KATNA1: variants seen among roughly 807,000 people sequenced by gnomAD.
KATNA1 encodes katanin catalytic subunit A1.
KATNA1 carries 42 observed loss-of-function variants against 62.6 expected under a neutral mutation model. The ratio of observed to expected loss-of-function variants is 0.67; its 90% CI spans 0.52 to 0.87. The LOEUF is 0.87. Among genes scored for constraint, KATNA1 ranks in the 40% least tolerant of loss-of-function variants. The pLI, the probability that KATNA1 is intolerant of heterozygous loss-of-function variation, is 0.00. For missense variants in KATNA1, 498 were observed against 612.5 expected (o/e 0.81, Z 1.97); for synonymous variants, 186 against 201.9 (o/e 0.92, Z 0.67).
intron 6 of KATNA1, among the ~76,000 whole-genome samples, chr6:149,602,743 CAG>C (rs1373730716): frequency 6.9e-6 from 1 of 144,288 alleles, no homozygotes; most frequent in Non-Finnish European, 1.5e-5. Context: ...TTTTTTGAGA[CAG>C]AGTTTCGCTC....
chr6:149,597,539 A>G lies in KATNA1; in HGVS notation c.1118T>C (p.Leu373Pro). The change falls in exon 9 of 11, where the codon CTT becomes CCT. Residue 373 changes from leucine (L) to proline (P), a missense_variant. Leu to Pro is a moderately conservative substitution (Grantham distance 98, BLOSUM62 -3). This residue lies in a region of KATNA1 where 267 missense variants were observed against 372.6 expected (regional missense o/e 0.72). Transcript: ENST00000367411. ...WDIDEALRRRLEKRIYIPLPS... is the reference protein window; with the variant it reads ...WDIDEALRRRPEKRIYIPLPS... ...CAAAGGAATATAGATTCGTTTCTCA[A>G]GGCGTCGTCTTAAAGCCTCATCTAT... 3.1e-6 allele frequency: 5 copies of G among 1,614,106 alleles called. No homozygotes were observed. The highest frequency in any genetic ancestry group is 4.2e-6 in the Non-Finnish European group (5 of 1,179,982).
chr6:149,627,204 C>T (rs1270164842), intron 3 of KATNA1, among the ~76,000 whole-genome samples: 1 of 151,378 alleles, frequency 6.6e-6, no homozygotes, highest in East Asian at 1.9e-4. Context: ...ACCCGTCTGG[C>T]CAACATGGAG....
At chr6:149,624,901 A>G (rs1470263192) in intron 3 of KATNA1, among the ~76,000 whole-genome samples, 2 of 150,986 alleles carry the variant, frequency 1.3e-5, no homozygotes, top group East Asian at 3.9e-4. Context: ...GCACCATGGC[A>G]ATGGGAATGG....
At position 149,638,483 on chromosome 6, in the gene KATNA1, T is replaced by C. The variant is rs748303578; in HGVS notation, c.65A>G (p.Tyr22Cys). The change falls in exon 2 of 11, where the codon TAT (tyrosine) becomes TGT (cysteine). Residue 22 changes from tyrosine (Y) to cysteine (C), a missense_variant. By Grantham distance (194) the Tyr-to-Cys change is radical. Around this residue, in one of 3 missense-constraint regions of KATNA1, gnomAD observed 28 missense variants for 41.6 expected, o/e 0.67. Transcript: ENST00000367411. ...LAREYALLGN[Y>C]DSAMVYYQGV... ...CTGATAATAGACCATCGCAGAGTCATAGTTTCCCAGCAATGCATATTCACG... is the reference window on the plus strand; with the variant it reads ...CTGATAATAGACCATCGCAGAGTCACAGTTTCCCAGCAATGCATATTCACG... The C allele has an allele frequency of 8.1e-6, 13 of 1,613,672 alleles. No homozygotes were observed. Among genetic ancestry groups the C allele is most frequent in the Admixed American group, 5.0e-5 (3 of 59,984 alleles).
intron 4 of KATNA1, among the ~76,000 whole-genome samples, chr6:149,613,821 G>C (rs1226192236): frequency 2.0e-5 from 3 of 152,178 alleles, no homozygotes; most frequent in Non-Finnish European, 2.9e-5. Context: ...TAATGTGCTA[G>C]TATTAAAAGT....
chr6:149,616,262 A>G (rs1365340248), intron 4 of KATNA1, among the ~76,000 whole-genome samples: 2 of 152,208 alleles, frequency 1.3e-5, no homozygotes, highest in East Asian at 3.8e-4. Flanking sequence ...AGTCAACTAT[A>G]TTATTGGGAA....
At chr6:149,605,477 C>T (rs1018284974) in intron 4 of KATNA1, among the ~76,000 whole-genome samples, 4 of 152,108 alleles carry the variant, frequency 2.6e-5, no homozygotes, top group Admixed American at 2.6e-4. Flanking sequence ...CATCAATGCT[C>T]CTAAAAATAT....
At position 149,632,812 on chromosome 6, in the gene KATNA1, G is replaced by A; in HGVS notation, c.267C>T (p.Asp89=). ...AGACTTCTCCCTCAGAAGCTGGAAG[G>A]TCATGCTGTGCCGCTTTCAAGGGAG... ...DSTPLKAAQH[D]LPASEGEVWS... is the part of the protein sequence containing the mutation. The change falls in exon 3 of 11, where the codon GAC becomes GAT. Residue 89 remains aspartate, a synonymous_variant. Coordinates refer to ENST00000367411, the MANE Select transcript of KATNA1 (RefSeq NM_007044.4). The A allele has an allele frequency of 6.2e-7, 1 of 1,613,864 alleles. No individual in the cohort carries two copies. The highest frequency in any genetic ancestry group is 8.5e-7 in the Non-Finnish European group (1 of 1,179,918).
At chr6:149,622,119 CTG>C (rs1301935648) in intron 4 of KATNA1, among the ~76,000 whole-genome samples, 1 of 141,330 alleles carries the variant, frequency 7.1e-6, no homozygotes, top group African/African-American at 2.8e-5. Context: ...CTTTTGATAA[CTG>C]TGTTTTTTTT....
intron 3 of KATNA1, among the ~76,000 whole-genome samples, chr6:149,626,547 G>A (rs1779617692): frequency 6.7e-6 from 1 of 150,164 alleles, no homozygotes; most frequent in African/African-American, 2.4e-5. Context: ...CTCCCAAAGT[G>A]CTGGGATTAC....
intron 1 of KATNA1, among the ~76,000 whole-genome samples, chr6:149,642,653 T>C (rs530724339): frequency 6.6e-6 from 1 of 152,280 alleles, no homozygotes; most frequent in South Asian, 2.1e-4. Flanking sequence ...AATACAGGGT[T>C]GGCTAAAAAA....
At chr6:149,634,941 C>CT (rs11438803) in intron 2 of KATNA1, among the ~76,000 whole-genome samples, 63,966 of 144,118 alleles carry the variant, frequency 0.44, 14,857 homozygotes, top group East Asian at 0.78. Flanking sequence ...TAAAAGCAGT[C>CT]TTTTTTTTTT....
At position 149,630,012 on chromosome 6, in the gene KATNA1, T is replaced by C. The variant is rs56196636; in HGVS notation, c.320+2747A>G. On this transcript the variant is annotated intron_variant, in intron 3 of 10. Transcript: ENST00000367411. ...GGCACACAGTAATATGCAATGATTG[T>C]TGACTATTATTAGGATTTTTCTTAA... is the stretch of plus-strand genomic sequence containing the variant. Among the ~76,000 whole-genome samples, 570 of 152,354 alleles carry C rather than the reference T, an allele frequency of 3.7e-3. 3 individuals are homozygous for C. The highest frequency in any genetic ancestry group is 0.013 in the African/African-American group (527 of 41,588).
At chr6:149,601,920 G>T in intron 6 of KATNA1, 168 bp from the exon 7 acceptor site, 1 of 467,072 alleles carries the variant, frequency 2.1e-6, no homozygotes, top group Non-Finnish European at 3.6e-6. Context: ...TACTCTTCCC[G>T]TTAAAAAAGA....
At chr6:149,632,211 G>T (rs1242385092) in intron 3 of KATNA1, among the ~76,000 whole-genome samples, 1 of 151,784 alleles carries the variant, frequency 6.6e-6, no homozygotes, top group African/African-American at 2.4e-5. Flanking sequence ...GGCCAACATG[G>T]TGAAACCCCG....
rs33939382 is a variant in KATNA1, at chr6:149,627,681, C to CAAA, written c.321-4401_321-4399dup. Among the ~76,000 whole-genome samples the CAAA allele has an allele frequency of 7.2e-4, 106 of 148,032 alleles. 1 individual carries two copies. The highest frequency in any genetic ancestry group is 1.4e-3 in the Admixed American group (21 of 14,812). ...TGGGTGACAGAGTGAGACTCTGTCT[C>CAAA]AAAAAAAAAGAGAAGGGAAAGGGGC... On this transcript the variant is annotated intron_variant, in intron 3 of 10. Transcript: ENST00000367411.
chr6:149,624,601 A>C (rs1348881072), intron 3 of KATNA1, among the ~76,000 whole-genome samples: 1 of 151,994 alleles, frequency 6.6e-6, no homozygotes, highest in African/African-American at 2.4e-5. Context: ...GCTAGTATCA[A>C]ACCCCTGGGC....
intron 1 of KATNA1, among the ~76,000 whole-genome samples, chr6:149,642,949 G>A (rs183600703): frequency 6.6e-6 from 1 of 152,180 alleles, no homozygotes; most frequent in Non-Finnish European, 1.5e-5. Context: ...TTGCCTCTTG[G>A]TATCTGTACC....
intron 4 of KATNA1, among the ~76,000 whole-genome samples, chr6:149,615,639 A>T (rs1779141692): frequency 6.6e-6 from 1 of 151,992 alleles, no homozygotes; most frequent in Admixed American, 6.6e-5. Flanking sequence ...CGGACAAAAA[A>T]CTGACAGGGT....
Sources: allele counts gnomAD v4.1 joint callset (sites outside exome capture counted in the v4.1 genomes callset), GRCh38; gene constraint gnomAD v4.1.1; regional missense constraint gnomAD v4.1.1; transcripts MANE v1.5; gene names NCBI Gene and HGNC (gene_info 2026-07-23, HGNC 2026-07-21).